Variants in DOK5 observed in about 807,000 individuals in gnomAD.
DOK5 encodes docking protein 5, also known as downstream of tyrosine kinase 5.
In DOK5, 27 loss-of-function variants were observed where a neutral mutation model predicts 43.3. The ratio of observed to expected loss-of-function variants is 0.62; its 90% confidence interval spans 0.46 to 0.86. DOK5 has a LOEUF of 0.86. Ranked by LOEUF, DOK5 falls within the 40% of genes least tolerant of loss-of-function variation. The pLI is 0.00. For missense variants in DOK5, 373 were observed against 392.9 expected, an observed-to-expected ratio of 0.95 and a Z score of 0.43; for synonymous variants, 146 against 140.1, an observed-to-expected ratio of 1.04 and a Z score of -0.30.
chr20:54,498,646 C>T (rs6014036), intron 1 of DOK5, among the ~76,000 whole-genome samples: 2,952 of 152,178 alleles, frequency 0.019, 93 homozygotes, highest in African/African-American at 0.067. Context: ...TTTGCTGTTA[C>T]GTAGCAAAAT....
chr20:54,630,055 G>A (rs578041221), intron 6 of DOK5, among the ~76,000 whole-genome samples: 62 of 152,326 alleles, frequency 4.1e-4, no homozygotes, highest in African/African-American at 1.4e-3. Flanking sequence ...TTTTGAGAAA[G>A]GGTGATATGC....
At chr20:54,495,813 CGGAGG>C (rs1468337640) in intron 1 of DOK5, among the ~76,000 whole-genome samples, 55 of 151,820 alleles carry the variant, frequency 3.6e-4, no homozygotes, top group African/African-American at 1.3e-3. Context: ...ACCCGGGAGT[CGGAGG>C]TTGCAGTGAG....
intron 1 of DOK5, among the ~76,000 whole-genome samples, chr20:54,546,951 G>A (rs1234839660): frequency 1.3e-5 from 2 of 152,118 alleles, no homozygotes; most frequent in Non-Finnish European, 2.9e-5. Context: ...TAGAATCTTG[G>A]CTTATGGGGA....
At position 54,582,794 on chromosome 20, in the gene DOK5, G is replaced by A. The variant is rs928521881; in HGVS notation, c.175-5689G>A. Among the ~76,000 whole-genome samples the A allele has an allele frequency of 6.6e-5, 10 of 151,830 alleles. 1 individual carries two copies. Among genetic ancestry groups the A allele is most frequent in the East Asian group, 1.9e-4 (1 of 5,136 alleles). ...TTTTCCTTAACCTAGCTATTTGTCA[G>A]TTTCATTGATCTTTCAAAAACCAAT... On this transcript the variant is annotated intron_variant, in intron 2 of 7. Transcript: ENST00000262593.
intron 1 of DOK5, among the ~76,000 whole-genome samples, chr20:54,506,752 C>T (rs774162500): frequency 6.6e-6 from 1 of 152,212 alleles, no homozygotes; most frequent in African/African-American, 2.4e-5. Flanking sequence ...TCAGCCACTG[C>T]TCCTGGCTTG....
intron 1 of DOK5, among the ~76,000 whole-genome samples, chr20:54,536,790 A>G (rs1983976365): frequency 6.6e-6 from 1 of 152,176 alleles, no homozygotes; most frequent in Admixed American, 6.5e-5. Context: ...CTAGTCTTCC[A>G]CCCTCATGAG....
intron 1 of DOK5, among the ~76,000 whole-genome samples, chr20:54,492,686 T>TTGTG (rs34741362): frequency 0.055 from 7,743 of 141,132 alleles, 230 homozygotes; most frequent in African/African-American, 0.093. Context: ...GAGTGTGGCT[T>TTGTG]TGTGTGTGTG....
rs1185195988 is a variant in DOK5 at position 54,650,503 on chromosome 20, C to T, written c.*24C>T. Reference sequence around the variant, plus strand: ...GACAGTAACTGCCAAGAATTGTTAACACACTTGTGATGTGTCAGCCACAGA... The same window carrying T: ...GACAGTAACTGCCAAGAATTGTTAATACACTTGTGATGTGTCAGCCACAGA... On this transcript the variant is annotated 3_prime_UTR_variant, in exon 8 of 8. Coordinates refer to ENST00000262593, the MANE Select transcript of DOK5 (RefSeq NM_018431.5). The T allele has an allele frequency of 4.3e-6, 7 of 1,610,898 alleles. No individual in the cohort carries two copies. The Admixed American group carries it at 6.7e-5, about 15-fold the overall frequency.
At chr20:54,587,145 C>T (rs1985830599) in intron 2 of DOK5, among the ~76,000 whole-genome samples, 1 of 152,082 alleles carries the variant, frequency 6.6e-6, no homozygotes, top group Non-Finnish European at 1.5e-5. Context: ...ACAAACACAT[C>T]AACAGTTGTA....
At chr20:54,641,551 C>T (rs1979116457) in intron 6 of DOK5, among the ~76,000 whole-genome samples, 1 of 118,268 alleles carries the variant, frequency 8.5e-6, no homozygotes, top group Non-Finnish European at 2.0e-5. Context: ...TCATCATCAT[C>T]ATCATCATCA....
chr20:54,604,799 G>T (rs1310975225), intron 5 of DOK5, among the ~76,000 whole-genome samples: 1 of 151,938 alleles, frequency 6.6e-6, no homozygotes. Flanking sequence ...TCAGGAGTTC[G>T]AGACCAGCCT....
rs1985882288 is a variant in DOK5 at position 54,588,561 on chromosome 20, A to G, written c.253A>G (p.Asn85Asp). The G allele has an allele frequency of 4.3e-6, 7 of 1,614,192 alleles. No individual in the cohort carries two copies. In the East Asian group the frequency reaches 1.6e-4, roughly 36 times the overall value. Residue 85 changes from asparagine to aspartate, a missense_variant, in exon 3 of 8, where the codon AAT becomes GAT. Coordinates refer to ENST00000262593, the MANE Select transcript of DOK5 (RefSeq NM_018431.5). ...GAAACATGCCATAGGGATTTATTTC[A>G]ATGACGATACCTCCAAGACTTTTGC... ...TKKHAIGIYF[N>D]DDTSKTFACE...
At chr20:54,480,414 G>A (rs1365536041) in intron 1 of DOK5, among the ~76,000 whole-genome samples, 3 of 152,182 alleles carry the variant, frequency 2.0e-5, no homozygotes, top group African/African-American at 4.8e-5. Context: ...ACCCCCACCA[G>A]TGCTATGACA....
chr20:54,647,862 C>T (rs578160465), intron 7 of DOK5, among the ~76,000 whole-genome samples: 2 of 152,304 alleles, frequency 1.3e-5, no homozygotes, highest in South Asian at 4.1e-4. Flanking sequence ...GGACATGAAA[C>T]TTCTTTTCCT....
chr20:54,555,068 G>T (rs1162073020), intron 2 of DOK5, 28 bp downstream of exon 2: 1 of 1,496,390 alleles, frequency 6.7e-7, no homozygotes, highest in Non-Finnish European at 9.3e-7. Context: ...TAGCTTTCCA[G>T]TAATCTATTT....
At chr20:54,617,017 C>T (rs548187199) in intron 6 of DOK5, among the ~76,000 whole-genome samples, 1 of 152,224 alleles carries the variant, frequency 6.6e-6, no homozygotes, top group South Asian at 2.1e-4. Context: ...GTCTCGATCT[C>T]CTGACCTCAT....
rs192854073 is a variant in DOK5 at position 54,507,461 on chromosome 20, T to C, written c.66+31449T>C. On this transcript the variant is annotated intron_variant, in intron 1 of 7. Transcript: ENST00000262593. The stretch of plus-strand genomic sequence containing the variant: ...TCTTAACCCATAAAAATATAAAAAT[T>C]ATTAATCAAACATTCTACATTATCT... 2.8e-4 allele frequency among the ~76,000 whole-genome samples: 43 copies of C among 152,314 alleles called. No individual in the cohort carries two copies. In the East Asian group the frequency reaches 7.7e-3, roughly 27 times the overall value.
chr20:54,644,599 G>A (rs1159261078), intron 7 of DOK5, among the ~76,000 whole-genome samples: 9 of 152,006 alleles, frequency 5.9e-5, no homozygotes, highest in Non-Finnish European at 1.0e-4. Flanking sequence ...CCAGCTACGC[G>A]GGAGGCTGAG....
intron 1 of DOK5, among the ~76,000 whole-genome samples, chr20:54,499,578 G>A (rs1411432358): frequency 6.6e-6 from 1 of 152,142 alleles, no homozygotes; most frequent in Non-Finnish European, 1.5e-5. Flanking sequence ...AATAATAGTG[G>A]AATTATTACT....
Sources: allele counts gnomAD v4.1 joint callset (sites outside exome capture counted in the v4.1 genomes callset), GRCh38; gene constraint gnomAD v4.1.1; transcripts MANE v1.5; gene names NCBI Gene and HGNC (gene_info 2026-07-23, HGNC 2026-07-21).